Variants in DGKD observed in about 807,000 individuals in gnomAD.
DGKD encodes the protein DAG kinase delta.
DGKD carries 68 observed loss-of-function variants against 154.4 expected under a neutral mutation model. The ratio of observed to expected loss-of-function variants is 0.44; its 90% CI spans 0.36 to 0.54. The LOEUF (loss-of-function observed/expected upper bound fraction) is 0.54. Ranked by LOEUF, DGKD falls within the 20% of genes least tolerant of loss-of-function variation. The probability of loss-of-function intolerance (pLI) is 0.00; values close to 1 mark genes in which losing one functional copy is unlikely to be tolerated. For synonymous variants in DGKD, 693 were observed against 638.0 expected (o/e 1.09, Z -1.30); for missense variants, 1,343 against 1,593.6 (o/e 0.84, Z 2.68).
At chr2:233,448,956 T>C in intron 14 of DGKD, 147 bp from the exon 15 acceptor site, 2 of 1,033,636 alleles carry the variant, frequency 1.9e-6, no homozygotes, top group Non-Finnish European at 2.8e-6. Flanking sequence ...GAGTAGCCTC[T>C]GGTCTTTTTG....
At chr2:233,446,048 T>A (rs765053247) in intron 11 of DGKD, among the ~76,000 whole-genome samples, 9 of 152,210 alleles carry the variant, frequency 5.9e-5, no homozygotes, top group Non-Finnish European at 1.2e-4. Context: ...GTGCCATCTT[T>A]GGCTGCTTCA....
intron 16 of DGKD, among the ~76,000 whole-genome samples, chr2:233,450,513 C>T (rs2063240781): frequency 6.6e-6 from 1 of 152,144 alleles, no homozygotes; most frequent in Admixed American, 6.5e-5. Context: ...TTGTCCTTGC[C>T]CCTCCTGGAA....
intron 19 of DGKD, among the ~76,000 whole-genome samples, chr2:233,456,436 A>G (rs1468593377): frequency 6.6e-6 from 1 of 152,230 alleles, no homozygotes; most frequent in African/African-American, 2.4e-5. Flanking sequence ...AGACTGAGGA[A>G]ATACATAGCA....
chr2:233,448,273 C>T lies in DGKD; in HGVS notation c.1515-3C>T. On this transcript the variant is annotated splice_region_variant and splice_polypyrimidine_tract_variant and intron_variant, in intron 13 of 29. Transcript: ENST00000264057. ...AAGGGTCTTTCTGTTTTTCTCCCCA[C>T]AGAGTGCTCTGTGAGACGGTGAAGG... is the stretch of plus-strand genomic sequence containing the variant. 1 of 1,614,158 alleles carries T rather than the reference C, an allele frequency of 6.2e-7. No individual in the cohort carries two copies. The highest frequency in any genetic ancestry group is 8.5e-7 in the Non-Finnish European group (1 of 1,180,026).
chr2:233,462,884 G>A (rs982576118), intron 26 of DGKD, 149 bp downstream of exon 26: 6 of 707,394 alleles, frequency 8.5e-6, no homozygotes, highest in African/African-American at 1.8e-5. Context: ...TTTGTTGTGC[G>A]GCTGGTGCCC....
intron 3 of DGKD, among the ~76,000 whole-genome samples, chr2:233,393,354 T>G (rs1162186623): frequency 8.7e-6 from 1 of 115,298 alleles, no homozygotes; most frequent in East Asian, 2.5e-4. Flanking sequence ...TTTTTTTTTT[T>G]GAGACAGGGT....
rs867859380 is a variant in DGKD, at chr2:233,438,772, A to G, written c.1085+393A>G. Among the ~76,000 whole-genome samples, 1,134 of 121,862 alleles carry G rather than the reference A, an allele frequency of 9.3e-3. 15 individuals are homozygous for G. Among genetic ancestry groups the G allele is most frequent in the African/African-American group, 0.034 (1,034 of 30,184 alleles). The allele number at this position is 121,862 out of a possible 152,430, so 79.9% of individuals were successfully genotyped here. A position where few individuals can be genotyped will look rare whatever the true frequency, so the allele number is the denominator to read the frequency against. ...CTATCTATCATCTATCTATCTATCT[A>G]TCTATCTATCTATCTATCTATCTAT... On this transcript the variant is annotated intron_variant, in intron 9 of 29. Transcript: ENST00000264057. The surrounding 1 kb of genome is among the most constrained non-coding windows in gnomAD (Gnocchi z 4.1).
Position 233,440,001 on chromosome 2 carries a change from G to T in DGKD, c.1085+1622G>T, listed in dbSNP as rs1381514327. Among the ~76,000 whole-genome samples the T allele has an allele frequency of 6.6e-6, 1 of 152,172 alleles. No homozygotes were observed. Among genetic ancestry groups the T allele is most frequent in the Non-Finnish European group, 1.5e-5 (1 of 68,022 alleles). ...GTACCAGGGGTGTTGGAGGAATGCT[G>T]TGAAATGGCTGTGGGCAGGGCAGGT... On this transcript the variant is annotated intron_variant, in intron 9 of 29. Coordinates refer to ENST00000264057, the MANE Select transcript of DGKD (RefSeq NM_152879.3). The surrounding 1 kb of genome is among the most constrained non-coding windows in gnomAD (Gnocchi z 4.9).
chr2:233,359,509 T>TTA (rs1553618505), intron 1 of DGKD, among the ~76,000 whole-genome samples: 1,567 of 151,630 alleles, frequency 0.01, 24 homozygotes, highest in African/African-American at 0.036. Flanking sequence ...TTTTTTTTTT[T>TTA]ATCCCAGATA....
intron 3 of DGKD, among the ~76,000 whole-genome samples, chr2:233,413,530 T>C (rs1485372814): frequency 1.3e-5 from 2 of 152,176 alleles, no homozygotes; most frequent in Non-Finnish European, 2.9e-5. Flanking sequence ...AGGGATATCA[T>C]GGGGCTTGTT....
chr2:233,405,616 A>G (rs1450447415), intron 3 of DGKD, among the ~76,000 whole-genome samples: 2 of 152,022 alleles, frequency 1.3e-5, no homozygotes, highest in Non-Finnish European at 2.9e-5. Flanking sequence ...TCAGTTCCTA[A>G]TAAAGGGATG....
chr2:233,447,132 C>A (rs530104989), intron 12 of DGKD, among the ~76,000 whole-genome samples: 1 of 152,312 alleles, frequency 6.6e-6, no homozygotes, highest in South Asian at 2.1e-4. Context: ...CGTTCCCTCC[C>A]CCGCCGCGGT....
In DGKD at chr2:233,392,335, A is replaced by C. The variant is rs2125449610; in HGVS notation, c.348+1852A>C. 2 of 152,272 alleles carry C rather than the reference A, an allele frequency of 1.3e-5. 1 individual carries two copies. Among genetic ancestry groups the C allele is most frequent in the South Asian group, 4.1e-4 (2 of 4,828 alleles). The allele number at this position is 152,272 out of a possible 1,614,324, so 9.4% of individuals were successfully genotyped here. A position where few individuals can be genotyped will look rare whatever the true frequency, so the allele number is the denominator to read the frequency against. On this transcript the variant is annotated intron_variant, in intron 3 of 29. Transcript: ENST00000264057. Reference sequence around the variant, plus strand: ...CCACTGTGCCTGGCCCTGGGCATTAATTTAGATGTTCATTTTGGTTTCAGT... The same window carrying C: ...CCACTGTGCCTGGCCCTGGGCATTACTTTAGATGTTCATTTTGGTTTCAGT...
At chr2:233,460,657 A>C (rs1470769776) in intron 24 of DGKD, among the ~76,000 whole-genome samples, 1 of 152,124 alleles carries the variant, frequency 6.6e-6, no homozygotes, top group Non-Finnish European at 1.5e-5. Context: ...TTGGGAGGCC[A>C]AGGTGGGCAG....
At chr2:233,373,022 C>T (rs1041860470) in intron 1 of DGKD, among the ~76,000 whole-genome samples, 1 of 152,174 alleles carries the variant, frequency 6.6e-6, no homozygotes, top group Non-Finnish European at 1.5e-5. Flanking sequence ...ATGATAATAG[C>T]TGATAAAATG....
rs772084390 is a variant in DGKD at position 233,462,704 on chromosome 2, C to T, written c.3155C>T (p.Thr1052Met). Reference sequence around the variant, plus strand: ...AACTTCAGAGCTCTGCGCAGTGAGACGGAGCTGCTGCTGTCTGGGAAGATG... The same window carrying T: ...AACTTCAGAGCTCTGCGCAGTGAGATGGAGCTGCTGCTGTCTGGGAAGATG... ...VNNFRALRSETELLLSGKMAL... is the reference protein window; with the variant it reads ...VNNFRALRSEMELLLSGKMAL... Residue 1052 changes from threonine (T) to methionine (M), a missense_variant, in exon 26 of 30, where the codon ACG becomes ATG. Around this residue, in one of 6 missense-constraint regions of DGKD, gnomAD observed 429 missense variants for 496.3 expected, o/e 0.86. Transcript: ENST00000264057. 7 of 1,614,058 alleles carry T rather than the reference C, an allele frequency of 4.3e-6. No individual in the cohort carries two copies. Among genetic ancestry groups the T allele is most frequent in the South Asian group, 1.1e-5 (1 of 91,082 alleles).
chr2:233,385,836 G>C, intron 1 of DGKD: 4 of 406,904 alleles, frequency 9.8e-6, no homozygotes, highest in Middle Eastern at 7.2e-4. Flanking sequence ...TTCTGAGAAG[G>C]CTTCAAAGAA....
intron 3 of DGKD, among the ~76,000 whole-genome samples, chr2:233,426,467 T>A (rs570805300): frequency 1.3e-5 from 2 of 152,222 alleles, no homozygotes; most frequent in African/African-American, 4.8e-5. Flanking sequence ...TGTGTGCCCC[T>A]CCTGTCAAAG....
intron 1 of DGKD, among the ~76,000 whole-genome samples, chr2:233,360,202 T>C (rs960973528): frequency 1.3e-5 from 2 of 152,232 alleles, no homozygotes; most frequent in Admixed American, 1.3e-4. Context: ...CTACCAAATT[T>C]GGTCCACCTA....
Sources: gnomAD v4.1 joint callset for allele counts (sites outside exome capture counted in the v4.1 genomes callset) on GRCh38, gnomAD v4.1.1 for gene constraint, gnomAD v4.1.1 regional missense constraint, Gnocchi (gnomAD v3.1) non-coding constraint, MANE v1.5 for transcripts, NCBI Gene and HGNC (gene_info 2026-07-23, HGNC 2026-07-21) for gene names.